The following MAP4 variants were observed in gnomAD, a reference collection of about 807,000 sequenced individuals.
The protein encoded by MAP4 is microtubule-associated protein 4.
In MAP4, 76 loss-of-function variants were observed where a neutral mutation model predicts 170.2. The observed-to-expected ratio is 0.45, with a 90% CI of 0.37 to 0.54. MAP4 has a LOEUF of 0.54. Among genes scored for constraint, MAP4 ranks in the 20% least tolerant of loss-of-function variants. The pLI is 0.00. For missense variants in MAP4, 2,506 were observed against 2,748.0 expected (o/e 0.91, Z 1.97); for synonymous variants, 909 against 994.5 (o/e 0.91, Z 1.62).
intron 3 of MAP4, among the ~76,000 whole-genome samples, chr3:47,957,878 G>C (rs918864388): frequency 1.3e-5 from 2 of 152,194 alleles, no homozygotes; most frequent in East Asian, 1.9e-4. Flanking sequence ...GGGAATCAAA[G>C]GGTAGAAGTA....
At chr3:47,887,545 C>G (rs1222280653) in intron 10 of MAP4, among the ~76,000 whole-genome samples, 1 of 152,236 alleles carries the variant, frequency 6.6e-6, no homozygotes, top group Non-Finnish European at 1.5e-5. Flanking sequence ...ACCCCCTGCT[C>G]CACGGCGCCC....
At chr3:47,915,799 G>T in intron 7 of MAP4, 152 bp downstream of exon 7, 2 of 762,466 alleles carry the variant, frequency 2.6e-6, no homozygotes. Flanking sequence ...GGGTAAAGGC[G>T]GGAAAGAGTT....
chr3:47,870,169 G>A (rs943685746), intron 15 of MAP4, among the ~76,000 whole-genome samples: 8 of 152,078 alleles, frequency 5.3e-5, no homozygotes, highest in Non-Finnish European at 7.4e-5. Context: ...ACCTTTTCAC[G>A]CAGAGTTCCC....
rs942479887 is a variant in MAP4, at chr3:47,998,553, A to G, written c.223+85T>C. The G allele has an allele frequency of 7.4e-6, 8 of 1,085,970 alleles. No homozygotes were observed. The Admixed American group carries it at 8.2e-5, about 11-fold the overall frequency. The allele number at this position is 1,085,970 out of a possible 1,614,324, so 67.3% of individuals were successfully genotyped here. ...GCCTACACTAAAAAAACTCAGCTCA[A>G]TTCTCAGTTTCCAAGATTATACCAA... is the stretch of plus-strand genomic sequence containing the variant. On this transcript the variant is annotated intron_variant, in intron 2 of 20. Coordinates refer to ENST00000683076, the MANE Select transcript of MAP4 (RefSeq NM_001385682.1).
rs757676086 is a variant in MAP4, at chr3:47,855,409, T to G, written c.6584-49A>C. ...ACCTAGGGTGGCAGAGGAATATCCCTGCAGGCAAAACCAGGACTAGCGATA... is the reference window on the plus strand; with the variant it reads ...ACCTAGGGTGGCAGAGGAATATCCCGGCAGGCAAAACCAGGACTAGCGATA... On this transcript the variant is annotated intron_variant, in intron 18 of 20. Transcript: ENST00000683076. This position sits in a 1 kb window ranked among gnomAD's most constrained non-coding sequence, Gnocchi z 5.1. The G allele has an allele frequency of 2.6e-6, 3 of 1,169,474 alleles. No individual in the cohort carries two copies. Among genetic ancestry groups the G allele is most frequent in the Non-Finnish European group, 3.9e-6 (3 of 774,282 alleles). 72.4% of individuals were successfully genotyped at this position (1,169,474 alleles called of 1,614,324 possible). A position where few individuals can be genotyped will look rare whatever the true frequency, so the allele number is the denominator to read the frequency against.
Position 47,901,672 on chromosome 3 carries a change from TA to T in MAP4, c.5434+1277del, listed in dbSNP as rs1205531345. On this transcript the variant is annotated intron_variant, in intron 10 of 20. Coordinates refer to ENST00000683076, the MANE Select transcript of MAP4 (RefSeq NM_001385682.1). ...CTGGGCAACTGAGCAAGACCCTATTTAAAAAAAAAAAAAAGAATGGAAGCCC... is the reference window on the plus strand; with the variant it reads ...CTGGGCAACTGAGCAAGACCCTATTTAAAAAAAAAAAAAGAATGGAAGCCC... Among the ~76,000 whole-genome samples the T allele has an allele frequency of 8.2e-3, 1,134 of 138,270 alleles. 4 individuals are homozygous for T. Among genetic ancestry groups the T allele is most frequent in the Middle Eastern group, 0.03 (8 of 266 alleles). The allele number at this position is 138,270 out of a possible 152,430, so 90.7% of individuals were successfully genotyped here. A position where few individuals can be genotyped will look rare whatever the true frequency, so the allele number is the denominator to read the frequency against.
At chr3:48,012,495 A>G (rs2100105775) in intron 1 of MAP4, among the ~76,000 whole-genome samples, 1 of 152,244 alleles carries the variant, frequency 6.6e-6, no homozygotes, top group Non-Finnish European at 1.5e-5. Context: ...ACATAATGAC[A>G]TAAGATGCAA....
At position 48,000,221 on chromosome 3, in the gene MAP4, CAAAAAAA is replaced by C. The variant is rs530513032; in HGVS notation, c.-19-1349_-19-1343del. Among the ~76,000 whole-genome samples, 479 of 79,894 alleles carry C rather than the reference CAAAAAAA, an allele frequency of 6.0e-3. 7 individuals carry two copies. Among genetic ancestry groups the C allele is most frequent in the African/African-American group, 0.026 (437 of 16,536 alleles). 52.4% of individuals were successfully genotyped at this position (79,894 alleles called of 152,430 possible). A position where few individuals can be genotyped will look rare whatever the true frequency, so the allele number is the denominator to read the frequency against. ...CAGAGGAAGTCTCCGACTCCCCCAT[CAAAAAAA>C]AAAAAAAAAAAAAAAAAAAGAGCCA... On this transcript the variant is annotated intron_variant, in intron 1 of 20. Transcript: ENST00000683076.
intron 1 of MAP4, among the ~76,000 whole-genome samples, chr3:48,002,991 A>AAATAAATTAATTAATT (rs1393173347): frequency 2.7e-5 from 4 of 150,546 alleles, no homozygotes; most frequent in African/African-American, 9.8e-5. Context: ...ATAAATAAAT[A>AAATAAATTAATTAATT]AATTTAATTC....
intron 2 of MAP4, among the ~76,000 whole-genome samples, chr3:47,978,821 T>C (rs2100083721): frequency 6.6e-6 from 1 of 151,744 alleles, no homozygotes; most frequent in South Asian, 2.1e-4. Flanking sequence ...TCTTTTCATG[T>C]GTTTCTCTGC....
rs542266661 is a variant in MAP4, at chr3:48,060,409, A to C, written c.-20+28364T>G. On this transcript the variant is annotated intron_variant, in intron 1 of 18. Transcript: ENST00000360240. ...CGAAACTATAAAACTCCTAGAGGAT[A>C]ACATAGAAGAAAATCTAGGTGACCT... Among the ~76,000 whole-genome samples the C allele has an allele frequency of 8.5e-5, 13 of 152,318 alleles. No homozygotes were observed. In the South Asian group the frequency reaches 2.7e-3, roughly 32 times the overall value.
chr3:48,020,868 TG>T (rs2100110204), upstream of MAP4, among the ~76,000 whole-genome samples: 1 of 151,570 alleles, frequency 6.6e-6, no homozygotes, highest in Admixed American at 6.6e-5. Context: ...GTGTGCTCAT[TG>T]TACACTACAG....
rs2100039764 is a variant in MAP4 at position 47,916,864 on chromosome 3, T to C, written c.963A>G (p.Arg321=). ...AAGATACATCTGTTTCTGTGGGCCA[T>C]CTGACATCCTTAACCAGGGCCACTT... is the stretch of plus-strand genomic sequence containing the variant. ...EKEVALVKDV[R]WPTETDVSSA... is the part of the protein sequence containing the mutation. The change falls in exon 7 of 21, where the codon AGA becomes AGG. Residue 321 remains arginine, a synonymous_variant. Coordinates refer to ENST00000683076, the MANE Select transcript of MAP4 (RefSeq NM_001385682.1). 2 of 1,614,096 alleles carry C rather than the reference T, an allele frequency of 1.2e-6. No individual in the cohort carries two copies. The highest frequency in any genetic ancestry group is 1.1e-5 in the South Asian group (1 of 91,090).
rs1342300696 is a variant in MAP4, at chr3:47,916,975, T to A, written c.852A>T (p.Leu284Phe). 5.0e-6 allele frequency: 8 copies of A among 1,614,238 alleles called. No individual in the cohort carries two copies. Among genetic ancestry groups the A allele is most frequent in the Non-Finnish European group, 5.1e-6 (6 of 1,180,032 alleles). The change falls in exon 7 of 21, where the codon TTA becomes TTT. Residue 284 changes from leucine to phenylalanine, a missense_variant. By Grantham distance (22) the Leu-to-Phe change is conservative. Around this residue, in one of 3 missense-constraint regions of MAP4, gnomAD observed 2,008 missense variants for 2,206.0 expected, o/e 0.91. Transcript: ENST00000683076. ...GCATGTCCTTGGCCAGTGTCACATC[T>A]AATTTGGTGGGTGATTCCATATCTT... ...LAKDMESPTK[L>F]DVTLAKDMQP...
At chr3:48,054,961 C>A (rs894768341) in intron 1 of MAP4, among the ~76,000 whole-genome samples, 1 of 152,096 alleles carries the variant, frequency 6.6e-6, no homozygotes, top group Non-Finnish European at 1.5e-5. Context: ...TTAAAACCTA[C>A]CCGTTCTAGC....
intron 1 of MAP4, among the ~76,000 whole-genome samples, chr3:48,031,466 A>G (rs1579398926): frequency 6.6e-6 from 1 of 152,252 alleles, no homozygotes; most frequent in Middle Eastern, 3.4e-3. Context: ...CAGGAGAATC[A>G]CTTGAACCCA....
chr3:47,857,258 T>C (rs1317982766), intron 18 of MAP4, among the ~76,000 whole-genome samples, 173 bp downstream of exon 18: 3 of 152,212 alleles, frequency 2.0e-5, no homozygotes, highest in Non-Finnish European at 4.4e-5. Context: ...ACTTAGAGGT[T>C]AGCACCCGAA....
rs371009304 is a variant in MAP4, at chr3:47,852,888, G to A, written c.*46C>T. ...GGCGGGAGACAATGTCGGCCCCGTG[G>A]TCGGTGCGGGCCCTGGCATTTGCCC... On this transcript the variant is annotated 3_prime_UTR_variant, in exon 21 of 21. Transcript: ENST00000683076. 3.1e-6 allele frequency: 5 copies of A among 1,597,578 alleles called. No homozygotes were observed. The African/African-American group carries it at 6.7e-5, about 21-fold the overall frequency.
chr3:47,872,067 C>T lies in MAP4; in HGVS notation c.5791G>A (p.Ala1931Thr), dbSNP rs2093423699. 1.2e-6 allele frequency: 2 copies of T among 1,613,178 alleles called. No individual in the cohort carries two copies. The highest frequency in any genetic ancestry group is 2.7e-5 in the African/African-American group (2 of 74,920). ...GCAGAAGCTGGCTTGGATGGTGAGG[C>T]CCGCTTCTCAGGAGCCTTTGCATCT... ...IADAKAPEKRASPSKPASAPA... is the reference protein window; with the variant it reads ...IADAKAPEKRTSPSKPASAPA... Residue 1931 changes from alanine (A) to threonine (T), a missense_variant, in exon 13 of 21, where the codon GCC becomes ACC. By Grantham distance (58) the Ala-to-Thr change is moderately conservative. Coordinates refer to ENST00000683076, the MANE Select transcript of MAP4 (RefSeq NM_001385682.1).
Sources: gnomAD v4.1 joint callset for allele counts (sites outside exome capture counted in the v4.1 genomes callset) on GRCh38, gnomAD v4.1.1 for gene constraint, gnomAD v4.1.1 regional missense constraint, Gnocchi (gnomAD v3.1) non-coding constraint, MANE v1.5 for transcripts, NCBI Gene and HGNC (gene_info 2026-07-23, HGNC 2026-07-21) for gene names.